Variants in CCDC91 observed in about 807,000 individuals in gnomAD.
CCDC91 encodes coiled-coil domain-containing protein 91.
Under a neutral mutation model 63.2 loss-of-function variants are expected in CCDC91, and 48 were observed. That is an observed-to-expected ratio of 0.76 (90% CI 0.60 to 0.97). The LOEUF (loss-of-function observed/expected upper bound fraction) is 0.97, where lower values mean the gene tolerates loss of function less well. Ranked by LOEUF, CCDC91 falls within the 50% of genes least tolerant of loss-of-function variation. The probability of loss-of-function intolerance (pLI) is 0.00; values close to 1 mark genes in which losing one functional copy is unlikely to be tolerated. For synonymous variants in CCDC91, 167 were observed against 165.8 expected, an observed-to-expected ratio of 1.01 and a Z score of -0.06; for missense variants, 500 against 494.6, an observed-to-expected ratio of 1.01 and a Z score of -0.10.
chr12:28,333,900 G>A (rs1941715567), intron 6 of CCDC91, among the ~76,000 whole-genome samples: 1 of 152,046 alleles, frequency 6.6e-6, no homozygotes, highest in South Asian at 2.1e-4. Context: ...CATCTCTGTT[G>A]AAGATCTTTT....
rs562698818 is a variant in CCDC91, at chr12:28,372,513, T to A, written c.654+9998T>A. On this transcript the variant is annotated intron_variant, in intron 7 of 12. Coordinates refer to ENST00000536442, the MANE Select transcript of CCDC91 (RefSeq NM_018318.5). Reference sequence around the variant, plus strand: ...CATTAATGCTTTTTTTTAAAATTTTTTAGCAGTGTTTTGTAGTTCTCCTTA... The same window carrying A: ...CATTAATGCTTTTTTTTAAAATTTTATAGCAGTGTTTTGTAGTTCTCCTTA... 6.7e-3 allele frequency among the ~76,000 whole-genome samples: 1,019 copies of A among 152,298 alleles called. 14 individuals are homozygous for A. Among genetic ancestry groups the A allele is most frequent in the African/African-American group, 0.023 (942 of 41,578 alleles).
At chr12:28,220,855 A>G (rs1299970606) in intron 1 of CCDC91, among the ~76,000 whole-genome samples, 2 of 152,044 alleles carry the variant, frequency 1.3e-5, no homozygotes, top group Non-Finnish European at 2.9e-5. Context: ...TTTCTGGCCT[A>G]AATACAAATA....
chr12:28,480,808 T>C (rs182478763), intron 11 of CCDC91, among the ~76,000 whole-genome samples: 1 of 152,150 alleles, frequency 6.6e-6, no homozygotes, highest in African/African-American at 2.4e-5. Flanking sequence ...ATACTTGTTT[T>C]CTGTAAATAA....
intron 12 of CCDC91, among the ~76,000 whole-genome samples, chr12:28,502,955 C>T (rs1434223789): frequency 4.7e-4 from 71 of 149,642 alleles, no homozygotes; most frequent in Admixed American, 3.4e-3. Context: ...AAGACTTAAA[C>T]GTTAGACCTA....
intron 11 of CCDC91, among the ~76,000 whole-genome samples, chr12:28,473,276 C>T (rs2140706256): frequency 6.6e-6 from 1 of 152,178 alleles, no homozygotes; most frequent in Non-Finnish European, 1.5e-5. Context: ...TATAGGATGG[C>T]AAGTCAGGAT....
chr12:28,238,583 A>G (rs559808856), intron 1 of CCDC91, among the ~76,000 whole-genome samples: 86 of 152,336 alleles, frequency 5.6e-4, no homozygotes, highest in Non-Finnish European at 1.1e-3. Flanking sequence ...AATCTAGCTC[A>G]TAGAAACACA....
At chr12:28,489,749 ATATAAAAGGGCTC>A in intron 12 of CCDC91, among the ~76,000 whole-genome samples, 1 of 152,002 alleles carries the variant, frequency 6.6e-6, no homozygotes, top group Non-Finnish European at 1.5e-5. Flanking sequence ...AATTTTTTAA[ATATAAAAGGGCTC>A]TTTTAATCCA....
chr12:28,435,333 T>C (rs1592666516), intron 8 of CCDC91, among the ~76,000 whole-genome samples: 1 of 151,880 alleles, frequency 6.6e-6, no homozygotes. Context: ...CAGAGTGTTT[T>C]TACATTTCTC....
intron 8 of CCDC91, among the ~76,000 whole-genome samples, chr12:28,446,401 A>G (rs878887684): frequency 6.6e-6 from 1 of 152,234 alleles, no homozygotes; most frequent in Non-Finnish European, 1.5e-5. Context: ...TCTCAAATGA[A>G]GAAGTTACTG....
chr12:28,463,361 G>A (rs1950400487), intron 11 of CCDC91, among the ~76,000 whole-genome samples: 1 of 152,116 alleles, frequency 6.6e-6, no homozygotes, highest in Admixed American at 6.5e-5. Context: ...GACAAATTCG[G>A]ATTTAATATT....
chr12:28,228,412 G>A (rs972063453), intron 1 of CCDC91, among the ~76,000 whole-genome samples: 8 of 152,044 alleles, frequency 5.3e-5, no homozygotes, highest in African/African-American at 1.7e-4. Flanking sequence ...AAGGACATAA[G>A]GACTTAATTT....
intron 6 of CCDC91, among the ~76,000 whole-genome samples, chr12:28,359,304 G>A (rs1328960578): frequency 3.3e-5 from 5 of 152,138 alleles, no homozygotes; most frequent in South Asian, 4.1e-4. Flanking sequence ...CACTATAATT[G>A]AAATGATATA....
At chr12:28,197,059 T>C (rs1025174942) in intron 1 of CCDC91, among the ~76,000 whole-genome samples, 1 of 152,202 alleles carries the variant, frequency 6.6e-6, no homozygotes, top group Non-Finnish European at 1.5e-5. Context: ...TTAACTCTGA[T>C]AATTTTTCAA....
At chr12:28,372,348 T>C (rs1944672298) in intron 7 of CCDC91, among the ~76,000 whole-genome samples, 1 of 152,180 alleles carries the variant, frequency 6.6e-6, no homozygotes, top group South Asian at 2.1e-4. Context: ...AGGATTATTT[T>C]TTCTATTTTG....
chr12:28,270,956 C>T (rs985448795), intron 3 of CCDC91, among the ~76,000 whole-genome samples: 4 of 152,064 alleles, frequency 2.6e-5, no homozygotes, highest in African/African-American at 9.7e-5. Context: ...CTGGCTTTTG[C>T]AAACTAGTAA....
At chr12:28,275,536 A>G (rs2136460203) in intron 3 of CCDC91, among the ~76,000 whole-genome samples, 1 of 152,312 alleles carries the variant, frequency 6.6e-6, no homozygotes, top group African/African-American at 2.4e-5. Flanking sequence ...GAATTCTACC[A>G]GAGGTACAAG....
At chr12:28,364,099 A>AT (rs1944108888) in intron 7 of CCDC91, among the ~76,000 whole-genome samples, 1 of 151,994 alleles carries the variant, frequency 6.6e-6, no homozygotes. Context: ...AAAATGTCTG[A>AT]TTTTGGCAGA....
chr12:28,486,874 TA>T (rs1268616753), intron 12 of CCDC91, among the ~76,000 whole-genome samples: 37 of 152,144 alleles, frequency 2.4e-4, no homozygotes, highest in Admixed American at 1.4e-3. Flanking sequence ...TGTTTCCTTA[TA>T]TATTAAGGAG....
At chr12:28,475,445 T>C (rs1951031214) in intron 11 of CCDC91, among the ~76,000 whole-genome samples, 1 of 152,110 alleles carries the variant, frequency 6.6e-6, no homozygotes, top group Non-Finnish European at 1.5e-5. Flanking sequence ...GTACTGTATA[T>C]CTATTAAAAT....
Sources: allele counts gnomAD v4.1 joint callset (sites outside exome capture counted in the v4.1 genomes callset), GRCh38; gene constraint gnomAD v4.1.1; transcripts MANE v1.5; gene names NCBI Gene and HGNC (gene_info 2026-07-23, HGNC 2026-07-21).